TUBB8: variants seen among roughly 807,000 people sequenced by gnomAD.
TUBB8 encodes the protein tubulin beta 8 class VIII, also known as tubulin beta-8 chain.
TUBB8 carries 25 observed loss-of-function variants against 33.7 expected under a neutral mutation model. The ratio of observed to expected loss-of-function variants is 0.74; its 90% CI spans 0.54 to 1.04. The LOEUF (loss-of-function observed/expected upper bound fraction) is 1.04. TUBB8 is among the 50% of genes least tolerant of loss of function. The pLI, the probability that TUBB8 is intolerant of heterozygous loss-of-function variation, is 0.00. For synonymous variants in TUBB8, 245 were observed against 240.1 expected (o/e 1.02, Z -0.19); for missense variants, 279 against 608.0 (o/e 0.46, Z 5.69).
At chr10:57,793 G>A (rs1834551125) in intron 1 of TUBB8, among the ~76,000 whole-genome samples, 2 of 149,510 alleles carry the variant, frequency 1.3e-5, no homozygotes, top group Admixed American at 6.7e-5. Context: ...CTTTCCCATT[G>A]TCTTGGCTAT....
At chr10:59,120 G>T (rs367749601) in intron 1 of TUBB8, among the ~76,000 whole-genome samples, 20 of 152,116 alleles carry the variant, frequency 1.3e-4, no homozygotes, top group South Asian at 8.3e-4. Context: ...GTTTTCAAAG[G>T]GTTTATTATT....
intron 1 of TUBB8, among the ~76,000 whole-genome samples, chr10:71,986 G>C (rs1834742438): frequency 6.6e-6 from 1 of 152,128 alleles, no homozygotes; most frequent in African/African-American, 2.4e-5. Flanking sequence ...AATAATTTGG[G>C]AGGCAGAGGC....
At chr10:49,607 G>C (rs2131814747), upstream of TUBB8, 3 of 514,070 alleles carry the variant, frequency 5.8e-6, no homozygotes, top group Middle Eastern at 5.6e-4. Flanking sequence ...GAGTGCCTTT[G>C]CACCTGTCCT....
At chr10:49,695 TG>T (rs1249572770), upstream of TUBB8, 5 of 417,764 alleles carry the variant, frequency 1.2e-5, no homozygotes, top group Non-Finnish European at 2.4e-5. Flanking sequence ...GCCTTCCACA[TG>T]TGAACTCAAC....
rs782698262 is a variant in TUBB8, at chr10:47,440, T to G, written c.952A>C (p.Arg318=). The change falls in exon 4 of 4, where the codon AGG becomes CGG. Residue 318 remains arginine (R), a synonymous_variant. Transcript: ENST00000568584. ...GRYLTAAAIF[R]GRMPMREVDE... ...ACCTCCCTCATGGGCATGCGACCCC[T>G]GAAAATGGCAGCCGCCGTTAGGTAG... 2 of 1,611,790 alleles carry G rather than the reference T, an allele frequency of 1.2e-6. No individual in the cohort carries two copies. Among genetic ancestry groups the G allele is most frequent in the African/African-American group, 1.3e-5 (1 of 74,934 alleles).
rs1834645242 is a variant in TUBB8, at chr10:64,554, C to A, written c.-846+9415G>T. Among the ~76,000 whole-genome samples the A allele has an allele frequency of 2.0e-5, 3 of 152,138 alleles. 1 individual carries two copies. Among genetic ancestry groups the A allele is most frequent in the South Asian group, 4.1e-4 (2 of 4,826 alleles). On this transcript the variant is annotated intron_variant, in intron 1 of 3. Transcript: ENST00000564130. ...TAACACTAACCATCTAACCCTTCTC[C>A]ATAACTTAAACCTAACCATTACCCC... is the stretch of plus-strand genomic sequence containing the variant.
chr10:49,587 C>T, upstream of TUBB8: 1 of 540,358 alleles, frequency 1.9e-6, no homozygotes, highest in Middle Eastern at 5.2e-4. Context: ...CTCTTGTTTC[C>T]ATATGCACGG....
upstream of TUBB8, among the ~76,000 whole-genome samples, chr10:50,560 A>G (rs1337138131): frequency 6.6e-6 from 1 of 151,926 alleles, no homozygotes; most frequent in Non-Finnish European, 1.5e-5. Context: ...GCAATTAATT[A>G]TACTCACTTT....
chr10:68,366 T>C (rs1470830713), intron 1 of TUBB8, among the ~76,000 whole-genome samples: 6 of 152,090 alleles, frequency 3.9e-5, no homozygotes, highest in African/African-American at 1.4e-4. Flanking sequence ...ACAATACAGA[T>C]ATGACACCTG....
At chr10:70,350 G>A (rs1564213099) in intron 1 of TUBB8, among the ~76,000 whole-genome samples, 1 of 151,888 alleles carries the variant, frequency 6.6e-6, no homozygotes, top group African/African-American at 2.4e-5. Flanking sequence ...AGTTACATAT[G>A]TATACATGTG....
At chr10:57,669 G>A (rs1479623740) in intron 1 of TUBB8, among the ~76,000 whole-genome samples, 1 of 152,136 alleles carries the variant, frequency 6.6e-6, no homozygotes, top group Non-Finnish European at 1.5e-5. Flanking sequence ...ATGTTCTAAG[G>A]CTACCCAAGG....
At chr10:63,954 A>T (rs1834634180) in intron 1 of TUBB8, among the ~76,000 whole-genome samples, 1 of 152,220 alleles carries the variant, frequency 6.6e-6, no homozygotes, top group East Asian at 1.9e-4. Flanking sequence ...CCAAGTGTTC[A>T]AAGAGACTTA....
upstream of TUBB8, chr10:50,012 C>T (rs1357002310): frequency 8.2e-5 from 13 of 159,008 alleles, no homozygotes; most frequent in Non-Finnish European, 1.4e-4. Context: ...GGGAATGCCT[C>T]GATCTAACCA....
At chr10:49,045 C>T in intron 1 of TUBB8, 133 bp from the exon 2 acceptor site, 1 of 1,290,742 alleles carries the variant, frequency 7.7e-7, no homozygotes, top group African/African-American at 1.5e-5. Flanking sequence ...CCGGCCGCCT[C>T]GCCAGCCACC....
chr10:67,199 AT>A (rs1834682639), intron 1 of TUBB8, among the ~76,000 whole-genome samples: 1 of 144,964 alleles, frequency 6.9e-6, no homozygotes, highest in Non-Finnish European at 1.5e-5. Flanking sequence ...ATCCCTTGAT[AT>A]TTCGTATAAA....
rs548576430 is a variant in TUBB8, at chr10:71,149, T to C, written c.-846+2820A>G. On this transcript the variant is annotated intron_variant, in intron 1 of 3. Coordinates refer to the TUBB8 transcript ENST00000564130. ...CAGCATGGTGAAACCCCGCCTCTAC[T>C]AAAAACACACAAAAAATTACCCAGG... Among the ~76,000 whole-genome samples the C allele has an allele frequency of 7.0e-4, 106 of 151,998 alleles. 3 individuals carry two copies. The Middle Eastern group carries it at 0.014, about 20-fold the overall frequency.
Position 48,921 on chromosome 10 carries a change from G to A in TUBB8, c.58-9C>T, listed in dbSNP as rs1202711947. 2.7e-6 allele frequency: 4 copies of A among 1,467,486 alleles called. No homozygotes were observed. The African/African-American group carries it at 4.2e-5, about 15-fold the overall frequency. The allele number at this position is 1,467,486 out of a possible 1,614,324, so 90.9% of individuals were successfully genotyped here. A position where few individuals can be genotyped will look rare whatever the true frequency, so the allele number is the denominator to read the frequency against. ...GAGATCACCTCCCAGAACTGCAAGA[G>A]ACGGGAGGAGACAGACAGGCCGGGG... On this transcript the variant is annotated splice_polypyrimidine_tract_variant and intron_variant, in intron 1 of 3. Transcript: ENST00000568584.
At chr10:64,667 G>T (rs1157757102) in intron 1 of TUBB8, among the ~76,000 whole-genome samples, 4 of 152,166 alleles carry the variant, frequency 2.6e-5, no homozygotes, top group African/African-American at 9.6e-5. Flanking sequence ...ACTTATGTTT[G>T]CACTTCCTCT....
intron 1 of TUBB8, among the ~76,000 whole-genome samples, chr10:62,577 C>T (rs1348154087): frequency 1.3e-5 from 2 of 152,224 alleles, no homozygotes; most frequent in African/African-American, 4.8e-5. Flanking sequence ...TGTGCTATTA[C>T]TAGTTGAGTT....
Sources: gnomAD v4.1 joint callset for allele counts (sites outside exome capture counted in the v4.1 genomes callset) on GRCh38, gnomAD v4.1.1 for gene constraint, MANE v1.5 for transcripts, NCBI Gene and HGNC (gene_info 2026-07-23, HGNC 2026-07-21) for gene names.